Variants in USP42 observed in about 807,000 individuals in gnomAD.
USP42 encodes ubiquitin specific peptidase 42.
USP42 carries 23 observed loss-of-function variants against 113.0 expected under a neutral mutation model. The observed-to-expected ratio is 0.20, with a 90% confidence interval of 0.15 to 0.29. USP42 has a LOEUF of 0.29. USP42 is among the 10% of genes least tolerant of loss of function. USP42 has a pLI of 1.00. For synonymous variants in USP42, 933 were observed against 699.0 expected (o/e 1.33, Z -5.28); for missense variants, 2,174 against 1,779.8 (o/e 1.22, Z -3.99).
intron 1 of USP42, 27 bp from the exon 2 acceptor site, chr7:6,111,098 C>G (rs2128476712): frequency 6.3e-7 from 1 of 1,590,752 alleles, no homozygotes; most frequent in East Asian, 2.3e-5. Flanking sequence ...CCTGATGAAA[C>G]AAATACATAC....
chr7:6,111,104 C>T (rs751018486), intron 1 of USP42, 21 bp from the exon 2 acceptor site: 4 of 1,597,782 alleles, frequency 2.5e-6, no homozygotes, highest in Non-Finnish European at 3.4e-6. Context: ...GAAACAAATA[C>T]ATACTTTTCA....
rs1246375607 is a variant in USP42 at position 6,158,544 on chromosome 7, A to G, written c.3944-906A>G. ...TGATTGAGGGGTAAACGGTCCTTAG[A>G]GTGTGTGAGAGAGAGCTGGGGGTTG... On this transcript the variant is annotated intron_variant, in intron 16 of 17. Coordinates refer to ENST00000306177, the MANE Select transcript of USP42 (RefSeq NM_032172.3). The surrounding 1 kb of genome is among the most constrained non-coding windows in gnomAD (Gnocchi z 4.2). Among the ~76,000 whole-genome samples the G allele has an allele frequency of 6.6e-6, 1 of 151,998 alleles. No homozygotes were observed. The highest frequency in any genetic ancestry group is 1.5e-5 in the Non-Finnish European group (1 of 67,998).
intron 3 of USP42, among the ~76,000 whole-genome samples, chr7:6,126,081 C>T (rs958072724): frequency 6.6e-6 from 1 of 152,180 alleles, no homozygotes; most frequent in East Asian, 1.9e-4. Context: ...GTGTCCCTGC[C>T]TTCCCCTTAA....
intron 3 of USP42, among the ~76,000 whole-genome samples, chr7:6,134,080 A>T (rs1780999841): frequency 1.3e-5 from 2 of 151,630 alleles, no homozygotes; most frequent in African/African-American, 4.8e-5. Flanking sequence ...TTTAGTAGAG[A>T]CGGGGTTTCA....
At chr7:6,108,699 T>G (rs909830699) in intron 1 of USP42, among the ~76,000 whole-genome samples, 1 of 152,134 alleles carries the variant, frequency 6.6e-6, no homozygotes, top group Non-Finnish European at 1.5e-5. Context: ...CAGGATGGTC[T>G]CAATCTCCTG....
At chr7:6,094,808 C>CT in the USP42 span, among the ~76,000 whole-genome samples, 470 of 139,774 alleles carry the variant, frequency 3.4e-3, 15 homozygotes, top group Middle Eastern at 0.012. Flanking sequence ...TTCCACTTGG[C>CT]TTTTTTTTTT....
At chr7:6,129,193 G>T (rs1268609112) in intron 3 of USP42, among the ~76,000 whole-genome samples, 1 of 152,138 alleles carries the variant, frequency 6.6e-6, no homozygotes, top group Non-Finnish European at 1.5e-5. Context: ...CATTTTACTA[G>T]TTTGAGGGAC....
At chr7:6,145,381 G>GT in intron 9 of USP42, 135 bp from the exon 10 acceptor site, 3 of 1,051,818 alleles carry the variant, frequency 2.9e-6, no homozygotes, top group Non-Finnish European at 4.1e-6. Flanking sequence ...AATGCATTAG[G>GT]TTTTTGCTAG....
intron 7 of USP42, among the ~76,000 whole-genome samples, chr7:6,142,629 T>C (rs1474788919): frequency 1.3e-5 from 2 of 152,150 alleles, no homozygotes; most frequent in East Asian, 3.9e-4. Context: ...ATACCTGTAA[T>C]CCTAACAGTT....
intron 14 of USP42, among the ~76,000 whole-genome samples, chr7:6,152,729 T>G (rs2128519584): frequency 6.6e-6 from 1 of 152,330 alleles, no homozygotes; most frequent in African/African-American, 2.4e-5. Flanking sequence ...CTTTCATTAT[T>G]AACCCCGAGG....
At chr7:6,087,990 C>T in the USP42 span, among the ~76,000 whole-genome samples, 1 of 151,088 alleles carries the variant, frequency 6.6e-6, no homozygotes, top group South Asian at 2.1e-4. Context: ...TACCTCTCAA[C>T]GGTTACCTGC....
chr7:6,082,317 ACGG>A, the USP42 span, among the ~76,000 whole-genome samples: 1 of 151,590 alleles, frequency 6.6e-6, no homozygotes, highest in Non-Finnish European at 1.5e-5. Flanking sequence ...TTTAGTAGAG[ACGG>A]GGTTTCACTG....
At chr7:6,140,262 C>A in intron 6 of USP42, 67 bp downstream of exon 6, 2 of 1,416,382 alleles carry the variant, frequency 1.4e-6, no homozygotes, top group Non-Finnish European at 2.0e-6. Context: ...AATAGTAGGA[C>A]AGGGTTAGTC....
intron 2 of USP42, among the ~76,000 whole-genome samples, chr7:6,114,413 A>G (rs1779764352): frequency 6.6e-6 from 1 of 152,012 alleles, no homozygotes; most frequent in Non-Finnish European, 1.5e-5. Context: ...CAACTTTGAC[A>G]TTTATCAACT....
At chr7:6,148,030 C>T in intron 12 of USP42, 138 bp downstream of exon 12, 3 of 958,374 alleles carry the variant, frequency 3.1e-6, no homozygotes, top group Non-Finnish European at 4.5e-6. Flanking sequence ...AACCCTCTTA[C>T]ACAGTATTTC....
intron 10 of USP42, 85 bp downstream of exon 10, chr7:6,145,741 A>T: frequency 7.0e-7 from 1 of 1,435,412 alleles, no homozygotes; most frequent in Non-Finnish European, 9.5e-7. Flanking sequence ...GAGAGGTGGA[A>T]CTTTTACAGT....
intron 3 of USP42, chr7:6,116,774 C>T (rs867665910): frequency 1.9e-6 from 1 of 533,048 alleles, no homozygotes; most frequent in Non-Finnish European, 3.8e-6. Flanking sequence ...TCTGTTTGCC[C>T]TCATTTTCTC....
At chr7:6,141,305 C>G (rs1162242136) in intron 7 of USP42, among the ~76,000 whole-genome samples, 1 of 149,128 alleles carries the variant, frequency 6.7e-6, no homozygotes, top group Non-Finnish European at 1.5e-5. Context: ...CGAGTTCAAG[C>G]AATTCTTCTG....
chr7:6,135,239 A>G (rs1054591670), intron 3 of USP42, among the ~76,000 whole-genome samples: 9 of 152,196 alleles, frequency 5.9e-5, no homozygotes, highest in Non-Finnish European at 8.8e-5. Flanking sequence ...TTTGAATCCA[A>G]TTATGTGTCT....
Sources: allele counts gnomAD v4.1 joint callset (sites outside exome capture counted in the v4.1 genomes callset), GRCh38; gene constraint gnomAD v4.1.1; non-coding constraint Gnocchi (gnomAD v3.1); transcripts MANE v1.5; gene names NCBI Gene and HGNC (gene_info 2026-07-23, HGNC 2026-07-21).